HTRA1: variants seen among roughly 807,000 people sequenced by gnomAD.
HTRA1 encodes the protein HtrA serine peptidase 1.
A neutral mutation model predicts 49.7 loss-of-function variants in HTRA1; 26 were observed. The ratio of observed to expected loss-of-function variants is 0.52; its 90% CI spans 0.38 to 0.73. HTRA1 has a LOEUF of 0.73. Among genes scored for constraint, HTRA1 ranks in the 30% least tolerant of loss-of-function variants. The pLI is 0.00. For synonymous variants in HTRA1, 291 were observed against 286.9 expected, an observed-to-expected ratio of 1.01 and a Z score of -0.14; for missense variants, 561 against 667.2, an observed-to-expected ratio of 0.84 and a Z score of 1.75.
chr10:122,503,422 C>T (rs972492911), intron 3 of HTRA1, among the ~76,000 whole-genome samples: 2 of 152,248 alleles, frequency 1.3e-5, no homozygotes, highest in East Asian at 3.8e-4. Context: ...GATGCTCCTG[C>T]AGCCAGTGGC....
intron 3 of HTRA1, among the ~76,000 whole-genome samples, chr10:122,497,847 C>G (rs896414550): frequency 6.6e-6 from 1 of 152,214 alleles, no homozygotes; most frequent in African/African-American, 2.4e-5. Flanking sequence ...ATCAGCCACT[C>G]TGAAGTTGGT....
chr10:122,501,014 T>C (rs2097500654), intron 3 of HTRA1, among the ~76,000 whole-genome samples: 1 of 152,162 alleles, frequency 6.6e-6, no homozygotes, highest in South Asian at 2.1e-4. Context: ...CCTGAGCATC[T>C]GGGAGGTGGG....
chr10:122,481,028 T>C (rs1421388772), intron 1 of HTRA1, among the ~76,000 whole-genome samples: 1 of 152,178 alleles, frequency 6.6e-6, no homozygotes, highest in Non-Finnish European at 1.5e-5. Context: ...CTGTGAACTC[T>C]TTGCTCACCT....
intron 3 of HTRA1, among the ~76,000 whole-genome samples, chr10:122,498,208 C>T (rs1325860705): frequency 2.0e-5 from 3 of 152,012 alleles, no homozygotes; most frequent in Non-Finnish European, 2.9e-5. Flanking sequence ...TTTCTCCCTT[C>T]ATCTCCCCAT....
intron 1 of HTRA1, among the ~76,000 whole-genome samples, chr10:122,466,662 G>A (rs1440080686): frequency 6.6e-6 from 1 of 152,168 alleles, no homozygotes; most frequent in East Asian, 1.9e-4. Context: ...TTTTTCCATT[G>A]TTAAAGTGGG....
chr10:122,469,004 G>A (rs559512177), intron 1 of HTRA1, among the ~76,000 whole-genome samples: 2 of 152,266 alleles, frequency 1.3e-5, no homozygotes, highest in South Asian at 2.1e-4. Context: ...GCAGCATCCC[G>A]TGACAGCAGC....
Position 122,461,629 on chromosome 10 carries a change from A to G in HTRA1, c.-24A>G, listed in dbSNP as rs1411730430. 2.3e-6 allele frequency: 3 copies of G among 1,279,514 alleles called. No individual in the cohort carries two copies. The highest frequency in any genetic ancestry group is 1.6e-5 in the African/African-American group (1 of 61,784). 79.3% of individuals were successfully genotyped at this position (1,279,514 alleles called of 1,614,324 possible). On this transcript the variant is annotated 5_prime_UTR_variant, in exon 1 of 9. Coordinates refer to ENST00000368984, the MANE Select transcript of HTRA1 (RefSeq NM_002775.5). ...TCCGGCCCTCGCCCTGTCCGCCGCC[A>G]CCGCCGCCGCCGCCAGAGTCGCCAT... is the stretch of plus-strand genomic sequence containing the variant.
chr10:122,462,839 G>T (rs913433772), intron 1 of HTRA1, among the ~76,000 whole-genome samples: 3 of 152,242 alleles, frequency 2.0e-5, no homozygotes, highest in African/African-American at 7.2e-5. Flanking sequence ...GCGGAGAAGG[G>T]ACCGGGTTAG....
At chr10:122,508,139 C>T (rs1348226141) in intron 5 of HTRA1, among the ~76,000 whole-genome samples, 1 of 152,196 alleles carries the variant, frequency 6.6e-6, no homozygotes, top group Non-Finnish European at 1.5e-5. Context: ...TTTCTCTTCC[C>T]AGCAGAGGGG....
At chr10:122,503,161 C>G (rs1161824305) in intron 3 of HTRA1, among the ~76,000 whole-genome samples, 5 of 152,184 alleles carry the variant, frequency 3.3e-5, no homozygotes, top group Admixed American at 3.3e-4. Flanking sequence ...AGTGCAGAGG[C>G]CTTGGACTCA....
chr10:122,508,759 G>A lies in HTRA1; in HGVS notation c.1109G>A (p.Arg370Gln), dbSNP rs746189509. Reference sequence around the variant, plus strand: ...AAGTTCCTCACGGAGTCCCATGACCGACAGGCCAAAGGTAGGCAAGGCCCA... The same window carrying A: ...AAGTTCCTCACGGAGTCCCATGACCAACAGGCCAAAGGTAGGCAAGGCCCA... The part of the protein sequence containing the change: ...IKKFLTESHD[R>Q]QAKGKAITKK... The change falls in exon 6 of 9, where the codon CGA (arginine) becomes CAA (glutamine). Residue 370 changes from arginine to glutamine, a missense_variant. By Grantham distance (43) the Arg-to-Gln change is conservative. Transcript: ENST00000368984. 3.7e-6 allele frequency: 6 copies of A among 1,607,044 alleles called. No homozygotes were observed. Among genetic ancestry groups the A allele is most frequent in the East Asian group, 2.2e-5 (1 of 44,828 alleles).
chr10:122,472,369 CTATTATTATTAT>C (rs56115456), intron 1 of HTRA1, among the ~76,000 whole-genome samples: 4,710 of 141,738 alleles, frequency 0.033, 158 homozygotes, highest in African/African-American at 0.081. Context: ...TTCTTTATTA[CTATTATTATTAT>C]TATTATTATT....
Position 122,462,004 on chromosome 10 carries a change from G to T in HTRA1, c.352G>T (p.Val118Leu), listed in dbSNP as rs1401507429. Residue 118 changes from valine (V) to leucine (L), a missense_variant, in exon 1 of 9, where the codon GTG (valine) becomes TTG (leucine). Transcript: ENST00000368984. ...GLCVCASSEP[V>L]CGSDANTYAN... ...CTGTGTGTGCGCCAGCAGCGAGCCG[G>T]TGTGCGGCAGCGACGCCAACACCTA... 6.5e-7 allele frequency: 1 copy of T among 1,528,558 alleles called. No individual in the cohort carries two copies. The highest frequency in any genetic ancestry group is 8.7e-7 in the Non-Finnish European group (1 of 1,144,208). 94.7% of individuals were successfully genotyped at this position (1,528,558 alleles called of 1,614,324 possible).
chr10:122,511,359 CCGAGCT>C (rs2097505481), intron 7 of HTRA1, among the ~76,000 whole-genome samples: 1 of 152,176 alleles, frequency 6.6e-6, no homozygotes, highest in African/African-American at 2.4e-5. Flanking sequence ...TAGCAAATGG[CCGAGCT>C]AGGGCTGCAA....
At chr10:122,507,271 C>T (rs558297620) in intron 4 of HTRA1, 99 bp from the exon 5 acceptor site, 132 of 934,070 alleles carry the variant, frequency 1.4e-4, no homozygotes, top group Non-Finnish European at 2.2e-4. Context: ...ATCGTGCCCC[C>T]CACTCTAGGC....
intron 6 of HTRA1, among the ~76,000 whole-genome samples, chr10:122,509,218 G>A (rs920277381): frequency 6.6e-6 from 1 of 152,196 alleles, no homozygotes; most frequent in South Asian, 2.1e-4. Context: ...GGCTCAACAG[G>A]GGCCTTTGCC....
In HTRA1 at chr10:122,506,934, G is replaced by A; in HGVS notation, c.972+49G>A. 6.5e-7 allele frequency: 1 copy of A among 1,537,240 alleles called. No individual in the cohort carries two copies. Among genetic ancestry groups the A allele is most frequent in the Non-Finnish European group, 9.0e-7 (1 of 1,114,792 alleles). The stretch of plus-strand genomic sequence containing the variant: ...TGGGGATTGGGGCAGAGTTTTGCCA[G>A]GGGGAGAGGAGTCAGCATAGGTCTT... On this transcript the variant is annotated intron_variant, in intron 4 of 8. Coordinates refer to ENST00000368984, the MANE Select transcript of HTRA1 (RefSeq NM_002775.5). The surrounding 1 kb of genome is among the most constrained non-coding windows in gnomAD (Gnocchi z 5.2).
intron 1 of HTRA1, among the ~76,000 whole-genome samples, chr10:122,474,212 C>T (rs554081878): frequency 7.5e-4 from 114 of 152,272 alleles, no homozygotes; most frequent in African/African-American, 2.5e-3. Flanking sequence ...TGTCGGAAAC[C>T]GTCTAGCCTA....
At chr10:122,475,099 CT>C (rs2097487840) in intron 1 of HTRA1, among the ~76,000 whole-genome samples, 1 of 152,236 alleles carries the variant, frequency 6.6e-6, no homozygotes, top group Non-Finnish European at 1.5e-5. Flanking sequence ...CATTTCGAAT[CT>C]ACTCTATTTG....
Sources: gnomAD v4.1 joint callset for allele counts (sites outside exome capture counted in the v4.1 genomes callset) on GRCh38, gnomAD v4.1.1 for gene constraint, Gnocchi (gnomAD v3.1) non-coding constraint, MANE v1.5 for transcripts, NCBI Gene and HGNC (gene_info 2026-07-23, HGNC 2026-07-21) for gene names.